Variants in PHF14 observed in about 807,000 individuals in gnomAD.
PHF14 encodes PHD finger protein 14.
Under a neutral mutation model 117.9 loss-of-function variants are expected in PHF14, and 55 were observed. The ratio of observed to expected loss-of-function variants is 0.47; its 90% confidence interval spans 0.38 to 0.58. The LOEUF is 0.58. PHF14 is among the 20% of genes least tolerant of loss of function. The pLI is 0.00. For missense variants in PHF14, 978 were observed against 1,122.2 expected, an observed-to-expected ratio of 0.87 and a Z score of 1.84; for synonymous variants, 409 against 368.6, an observed-to-expected ratio of 1.11 and a Z score of -1.26.
At chr7:10,979,380 A>C (rs1781977476) in intron 2 of PHF14, among the ~76,000 whole-genome samples, 1 of 152,078 alleles carries the variant, frequency 6.6e-6, no homozygotes, top group African/African-American at 2.4e-5. Context: ...ATTCTGATAT[A>C]TTGTATGTTT....
chr7:11,088,940 AG>A (rs1328816668), intron 16 of PHF14, among the ~76,000 whole-genome samples: 1 of 152,210 alleles, frequency 6.6e-6, no homozygotes, highest in African/African-American at 2.4e-5. Context: ...AAAGATTAGA[AG>A]GGAACAAAAA....
At chr7:11,147,816 C>T (rs1788590455) in intron 17 of PHF14, among the ~76,000 whole-genome samples, 1 of 151,988 alleles carries the variant, frequency 6.6e-6, no homozygotes, top group African/African-American at 2.4e-5. Flanking sequence ...TGTGTAATAC[C>T]ATCCACAAAC....
At chr7:11,028,099 A>G (rs375265500) in intron 6 of PHF14, among the ~76,000 whole-genome samples, 27 of 152,284 alleles carry the variant, frequency 1.8e-4, no homozygotes, top group Non-Finnish European at 3.5e-4. Context: ...TTAATTTAAT[A>G]CACCTAACTT....
intron 17 of PHF14, among the ~76,000 whole-genome samples, chr7:11,151,339 T>G (rs971654481): frequency 3.9e-5 from 6 of 152,126 alleles, no homozygotes; most frequent in Admixed American, 1.3e-4. Flanking sequence ...GAGGGTCGCT[T>G]GAGGCCAGGA....
rs1335080916 is a variant in PHF14, at chr7:11,038,715, T to G, written c.1981-45T>G. On this transcript the variant is annotated intron_variant, in intron 10 of 17. Transcript: ENST00000634607. ...ATAGAAATGTAGATATTTCTTAAAT[T>G]GTCAGATATTTTAATGAAGTTTACT... 3 of 757,774 alleles carry G rather than the reference T, an allele frequency of 4.0e-6. No individual in the cohort carries two copies. The African/African-American group carries it at 5.4e-5, about 14-fold the overall frequency. 46.9% of individuals were successfully genotyped at this position (757,774 alleles called of 1,614,324 possible).
At chr7:10,984,233 A>C (rs1370189178) in intron 3 of PHF14, among the ~76,000 whole-genome samples, 1 of 152,186 alleles carries the variant, frequency 6.6e-6, no homozygotes, top group African/African-American at 2.4e-5. Flanking sequence ...GCTTTGCTTA[A>C]AAATTTGGTG....
intron 17 of PHF14, among the ~76,000 whole-genome samples, chr7:11,139,178 A>G (rs946807978): frequency 6.6e-6 from 1 of 152,180 alleles, no homozygotes; most frequent in African/African-American, 2.4e-5. Flanking sequence ...TGCCACTATC[A>G]TAGAAGTGAA....
intron 7 of PHF14, among the ~76,000 whole-genome samples, chr7:11,030,693 A>G (rs1784092346): frequency 6.6e-6 from 1 of 152,226 alleles, no homozygotes; most frequent in Non-Finnish European, 1.5e-5. Context: ...GCCCTGAGGC[A>G]TCTTCCTTGC....
In PHF14 at chr7:11,075,188, C is replaced by T. The variant is rs1785785463; in HGVS notation, c.2654+13103C>T. ...TCCTGAGCTCAGGCAATCCTTCTGC[C>T]TCATCCTCCCAAAGTGCTGGGATTA... On this transcript the variant is annotated intron_variant, in intron 16 of 17. Transcript: ENST00000634607. Among the ~76,000 whole-genome samples the T allele has an allele frequency of 3.3e-5, 5 of 152,164 alleles. No homozygotes were observed. The South Asian group carries it at 8.3e-4, about 25-fold the overall frequency.
intron 4 of PHF14, among the ~76,000 whole-genome samples, chr7:10,995,827 G>A (rs2128311675): frequency 6.6e-6 from 1 of 152,322 alleles, no homozygotes; most frequent in African/African-American, 2.4e-5. Context: ...GGCTGGCAGT[G>A]CCCGCCAAGC....
At chr7:11,137,590 CTTT>C (rs5882293) in intron 17 of PHF14, among the ~76,000 whole-genome samples, 1,148 of 93,974 alleles carry the variant, frequency 0.012, 4 homozygotes, top group Non-Finnish European at 0.014. Context: ...CTTAAAAATT[CTTT>C]TTTTTTTTTT....
chr7:11,026,506 GTATT>G (rs1172544159), intron 6 of PHF14, among the ~76,000 whole-genome samples: 2 of 152,156 alleles, frequency 1.3e-5, no homozygotes, highest in East Asian at 3.9e-4. Context: ...ATTAACAGAT[GTATT>G]TATTGGGCAG....
At chr7:11,106,092 G>T (rs1787251828) in intron 16 of PHF14, 2 of 983,914 alleles carry the variant, frequency 2.0e-6, no homozygotes, top group African/African-American at 3.5e-5. Context: ...AGAGTTGCTT[G>T]ACCTTATTGT....
At position 11,103,627 on chromosome 7, in the gene PHF14, C is replaced by G. The variant is rs1268485370; in HGVS notation, c.2655-7723C>G. The G allele has an allele frequency of 1.1e-5, 11 of 984,954 alleles. No homozygotes were observed. In the South Asian group the frequency reaches 1.4e-4, roughly 13 times the overall value. 61.0% of individuals were successfully genotyped at this position (984,954 alleles called of 1,614,324 possible). On this transcript the variant is annotated intron_variant, in intron 16 of 17. Transcript: ENST00000634607. Reference sequence around the variant, plus strand: ...TTGTCAACATGTAATTTGGAATTTTCTGATTAATAAATGTGGTTTTGGACA... The same window carrying G: ...TTGTCAACATGTAATTTGGAATTTTGTGATTAATAAATGTGGTTTTGGACA...
chr7:11,087,556 G>A (rs573425157), intron 16 of PHF14, among the ~76,000 whole-genome samples: 1 of 152,068 alleles, frequency 6.6e-6, no homozygotes, highest in African/African-American at 2.4e-5. Flanking sequence ...TATGATATTG[G>A]GCCATAATCT....
At chr7:11,076,617 G>T (rs1785862126) in intron 16 of PHF14, among the ~76,000 whole-genome samples, 1 of 147,568 alleles carries the variant, frequency 6.8e-6, no homozygotes, top group Non-Finnish European at 1.5e-5. Flanking sequence ...GCCCAGGCTG[G>T]AGTGCAGTGG....
At chr7:11,024,037 T>C (rs1394237778) in intron 6 of PHF14, among the ~76,000 whole-genome samples, 1 of 152,154 alleles carries the variant, frequency 6.6e-6, no homozygotes, top group African/African-American at 2.4e-5. Context: ...GGAAAAGCTC[T>C]TGAAGGAAAT....
chr7:11,001,865 C>G (rs1782888068), intron 4 of PHF14, among the ~76,000 whole-genome samples: 2 of 152,086 alleles, frequency 1.3e-5, no homozygotes, highest in African/African-American at 4.8e-5. Context: ...GTTTCCCTTT[C>G]TTGTCTTATT....
At chr7:11,105,207 C>G in intron 16 of PHF14, 2 of 961,872 alleles carry the variant, frequency 2.1e-6, no homozygotes, top group Non-Finnish European at 1.2e-6. Flanking sequence ...TCCATCTTAA[C>G]TTTAGAAATT....
Sources: gnomAD v4.1 joint callset for allele counts (sites outside exome capture counted in the v4.1 genomes callset) on GRCh38, gnomAD v4.1.1 for gene constraint, MANE v1.5 for transcripts, NCBI Gene and HGNC (gene_info 2026-07-23, HGNC 2026-07-21) for gene names.